The following PDE4A variants were observed in gnomAD, a reference collection of about 807,000 sequenced individuals.
PDE4A encodes the protein phosphodiesterase 4A, also known as 3',5'-cyclic-AMP phosphodiesterase 4A.
In PDE4A, 21 loss-of-function variants were observed where a neutral mutation model predicts 73.9. That is an observed-to-expected ratio of 0.28 (90% confidence interval 0.20 to 0.41). PDE4A has a LOEUF of 0.41. PDE4A is among the 10% of genes least tolerant of loss of function. PDE4A has a pLI of 1.00. For synonymous variants in PDE4A, 463 were observed against 505.4 expected, an observed-to-expected ratio of 0.92 and a Z score of 1.13; for missense variants, 958 against 1,211.4, an observed-to-expected ratio of 0.79 and a Z score of 3.10.
chr19:10,464,550 G>A (rs2043331620), intron 14 of PDE4A: 4 of 421,340 alleles, frequency 9.5e-6, no homozygotes, highest in African/African-American at 2.1e-5. Flanking sequence ...CAGAGTAGCT[G>A]AGAATACAGG....
At chr19:10,461,216 G>A in intron 11 of PDE4A, 113 bp downstream of exon 11, 1 of 1,404,944 alleles carries the variant, frequency 7.1e-7, no homozygotes, top group South Asian at 1.4e-5. Context: ...GGGCGGGGCT[G>A]GCTGGCCTGG....
Position 10,420,792 on chromosome 19 carries a change from A to C in PDE4A, c.28A>C (p.Arg10=). ...GGAACCCCCGACCGTCCCCTCGGAA[A>C]GGAGCCTGTCTCTGTCACTGCCCGG... is the stretch of plus-strand genomic sequence containing the variant. MEPPTVPSE[R]SLSLSLPGPR... The change falls in exon 1 of 15, where the codon AGG becomes CGG. Residue 10 remains arginine, a synonymous_variant. Coordinates refer to ENST00000380702, the MANE Select transcript of PDE4A (RefSeq NM_001111307.2). This position sits in a 1 kb window ranked among gnomAD's most constrained non-coding sequence, Gnocchi z 6.0. 1 of 1,580,530 alleles carries C rather than the reference A, an allele frequency of 6.3e-7. No homozygotes were observed. The highest frequency in any genetic ancestry group is 8.5e-7 in the Non-Finnish European group (1 of 1,172,488).
At chr19:10,432,731 T>A (rs1599410543) in intron 1 of PDE4A, among the ~76,000 whole-genome samples, 1 of 151,930 alleles carries the variant, frequency 6.6e-6, no homozygotes, top group Non-Finnish European at 1.5e-5. Context: ...AGGCCTGGGG[T>A]GCTGCTGAGG....
Position 10,453,214 on chromosome 19 carries a change from C to T in PDE4A, c.784-1615C>T, listed in dbSNP as rs759548912. On this transcript the variant is annotated intron_variant, in intron 6 of 14. Transcript: ENST00000380702. The surrounding 1 kb of genome is among the most constrained non-coding windows in gnomAD (Gnocchi z 4.6). ...CAGTGGTTGTTAACCCCGGGACTCC[C>T]CAAGCCCAGCCTCTGTGTGCAGCAG... 3.8e-6 allele frequency: 6 copies of T among 1,573,874 alleles called. No individual in the cohort carries two copies. In the African/African-American group the frequency reaches 8.1e-5, roughly 21 times the overall value.
intron 4 of PDE4A, among the ~76,000 whole-genome samples, chr19:10,449,930 T>TAA (rs36076742): frequency 3.3e-4 from 47 of 141,920 alleles, no homozygotes; most frequent in Admixed American, 6.4e-4. Flanking sequence ...ACCCTGTCTC[T>TAA]AAAAAAAAAA....
intron 2 of PDE4A, 119 bp from the exon 3 acceptor site, chr19:10,448,798 T>A: frequency 6.5e-7 from 1 of 1,536,270 alleles, no homozygotes; most frequent in Non-Finnish European, 8.7e-7. Context: ...GTTCTTTCCC[T>A]AGGTCCCACA....
At chr19:10,435,571 C>A (rs1158795441) in intron 1 of PDE4A, among the ~76,000 whole-genome samples, 1 of 151,620 alleles carries the variant, frequency 6.6e-6, no homozygotes, top group South Asian at 2.1e-4. Flanking sequence ...AACACACACA[C>A]ACACACACAC....
At chr19:10,441,536 C>T (rs1426785666) in intron 1 of PDE4A, among the ~76,000 whole-genome samples, 2 of 152,008 alleles carry the variant, frequency 1.3e-5, no homozygotes, top group African/African-American at 4.8e-5. Flanking sequence ...AAAAGTCTTT[C>T]ATTTTGTTGA....
Position 10,430,841 on chromosome 19 carries a change from G to A in PDE4A, c.320+9757G>A, listed in dbSNP as rs930193075. ...GCCCGCCGAGGCGGGGCCGCCCCGC[G>A]GCCATGGCGCGGCCGCGCGGCCTAG... On this transcript the variant is annotated intron_variant, in intron 1 of 14. Coordinates refer to ENST00000380702, the MANE Select transcript of PDE4A (RefSeq NM_001111307.2). 5.1e-6 allele frequency: 6 copies of A among 1,171,680 alleles called. No individual in the cohort carries two copies. The Admixed American group carries it at 2.3e-4, about 45-fold the overall frequency. The allele number at this position is 1,171,680 out of a possible 1,614,324, so 72.6% of individuals were successfully genotyped here. A position where few individuals can be genotyped will look rare whatever the true frequency, so the allele number is the denominator to read the frequency against.
chr19:10,420,349 C>A, upstream of PDE4A: 1 of 976,218 alleles, frequency 1.0e-6, no homozygotes, highest in African/African-American at 1.7e-5. The surrounding 1 kb of genome is among the most constrained non-coding windows in gnomAD (Gnocchi z 6.0). Flanking sequence ...CCTCCCAGCC[C>A]GGAGCGGGGA....
At position 10,458,342 on chromosome 19, in the gene PDE4A, T is replaced by A. The variant is rs1486249302; in HGVS notation, c.1101+240T>A. On this transcript the variant is annotated intron_variant, in intron 8 of 14. Transcript: ENST00000380702. This position sits in a 1 kb window ranked among gnomAD's most constrained non-coding sequence, Gnocchi z 4.6. ...TGCATGTAGCTCCTGTTGGGACTAG[T>A]CTTCTGGAAATGCAGGCAGCTGTGA... 1.3e-5 allele frequency among the ~76,000 whole-genome samples: 2 copies of A among 152,166 alleles called. No individual in the cohort carries two copies. Among genetic ancestry groups the A allele is most frequent in the Non-Finnish European group, 2.9e-5 (2 of 68,024 alleles).
chr19:10,465,566 A>G (rs2043352405), intron 14 of PDE4A, among the ~76,000 whole-genome samples: 1 of 151,796 alleles, frequency 6.6e-6, no homozygotes, highest in East Asian at 1.9e-4. Context: ...AGACATTGCC[A>G]AATGTCCCCT....
chr19:10,430,957 C>G, intron 1 of PDE4A: 1 of 1,533,300 alleles, frequency 6.5e-7, no homozygotes, highest in Non-Finnish European at 8.7e-7. Context: ...GCCCCGCGCG[C>G]GCCCCGCCGC....
At chr19:10,454,670 C>A in intron 6 of PDE4A, 159 bp from the exon 7 acceptor site, 1 of 864,220 alleles carries the variant, frequency 1.2e-6, no homozygotes, top group Non-Finnish European at 1.4e-6. Context: ...ACAGGAAAGG[C>A]TGACCCCAAC....
At chr19:10,448,995 A>G (rs569522955) in intron 3 of PDE4A, 42 bp downstream of exon 3, 132 of 1,612,090 alleles carry the variant, frequency 8.2e-5, no homozygotes, top group Non-Finnish European at 9.2e-5. Context: ...AAGGGGCTCC[A>G]ATGCTCCGCC....
At chr19:10,460,536 G>A (rs551069978) in intron 10 of PDE4A, among the ~76,000 whole-genome samples, 2 of 151,838 alleles carry the variant, frequency 1.3e-5, no homozygotes, top group Admixed American at 6.6e-5. Context: ...GGCTAGGCAC[G>A]GTGGCTCACA....
intron 1 of PDE4A, among the ~76,000 whole-genome samples, chr19:10,435,102 C>T (rs896880217): frequency 1.3e-5 from 2 of 151,910 alleles, no homozygotes; most frequent in Admixed American, 6.6e-5. Context: ...GTTTGTGTCC[C>T]GTCAGTCCCT....
At position 10,446,268 on chromosome 19, in the gene PDE4A, A is replaced by G. The variant is rs2145524046; in HGVS notation, c.371A>G (p.Asp124Gly). 2 of 1,602,380 alleles carry G rather than the reference A, an allele frequency of 1.2e-6. No homozygotes were observed. The highest frequency in any genetic ancestry group is 1.7e-6 in the Non-Finnish European group (2 of 1,174,816). Residue 124 changes from aspartate to glycine, a missense_variant, in exon 2 of 15, where the codon GAC (aspartate) becomes GGC (glycine). Physicochemically the swap from Asp to Gly is moderately conservative, Grantham distance 94. Coordinates refer to ENST00000380702, the MANE Select transcript of PDE4A (RefSeq NM_001111307.2). Reference protein sequence around the residue: ...PTPSPGRSPLDSQASPGLVLH... With the variant: ...PTPSPGRSPLGSQASPGLVLH... ...CCATCTCCTGGCCGCAGCCCCCTGG[A>G]CTCGCAGGCGAGCCCAGGACTCGTG... is the stretch of plus-strand genomic sequence containing the variant.
In PDE4A at chr19:10,467,346, T is replaced by C. The variant is rs1488708446; in HGVS notation, c.2386T>C (p.Phe796Leu). The change falls in exon 15 of 15, where the codon TTC (phenylalanine) becomes CTC (leucine). Residue 796 changes from phenylalanine to leucine, a missense_variant. Coordinates refer to ENST00000380702, the MANE Select transcript of PDE4A (RefSeq NM_001111307.2). ...TGSAPVAPDE[F>L]SSREEFVVAV... ...CAGTGCACCTGTGGCTCCGGATGAG[T>C]TCTCGTCCCGGGAGGAATTCGTGGT... The C allele has an allele frequency of 1.9e-6, 3 of 1,614,022 alleles. No individual in the cohort carries two copies. In the South Asian group the frequency reaches 3.3e-5, roughly 18 times the overall value.
Sources: gnomAD v4.1 joint callset for allele counts (sites outside exome capture counted in the v4.1 genomes callset) on GRCh38, gnomAD v4.1.1 for gene constraint, Gnocchi (gnomAD v3.1) non-coding constraint, MANE v1.5 for transcripts, NCBI Gene and HGNC (gene_info 2026-07-23, HGNC 2026-07-21) for gene names.